The following KIDINS220 variants were observed in gnomAD, a reference collection of about 807,000 sequenced individuals.
KIDINS220 encodes the protein kinase D interacting substrate 220.
Under a neutral mutation model 157.6 loss-of-function variants are expected in KIDINS220, and 63 were observed. The observed-to-expected ratio is 0.40, with a 90% CI of 0.33 to 0.49. The LOEUF is 0.49. Among genes scored for constraint, KIDINS220 ranks in the 20% least tolerant of loss-of-function variants. The pLI, the probability that KIDINS220 is intolerant of heterozygous loss-of-function variation, is 0.66. For missense variants in KIDINS220, 1,772 were observed against 2,171.2 expected, an observed-to-expected ratio of 0.82 and a Z score of 3.65; for synonymous variants, 732 against 783.6, an observed-to-expected ratio of 0.93 and a Z score of 1.10.
chr2:8,833,057 A>G (rs764150740), intron 1 of KIDINS220, among the ~76,000 whole-genome samples: 3 of 152,188 alleles, frequency 2.0e-5, no homozygotes, highest in Non-Finnish European at 2.9e-5. Flanking sequence ...CTCAAATCTT[A>G]TCTTCTAGCT....
chr2:8,820,824 A>T (rs1362493343), intron 2 of KIDINS220, among the ~76,000 whole-genome samples: 2 of 152,202 alleles, frequency 1.3e-5, no homozygotes, highest in Non-Finnish European at 2.9e-5. Context: ...CACTACCAAC[A>T]TCAATTACTA....
chr2:8,831,159 A>G (rs1679557007), intron 1 of KIDINS220, among the ~76,000 whole-genome samples: 1 of 152,254 alleles, frequency 6.6e-6, no homozygotes, highest in Non-Finnish European at 1.5e-5. Flanking sequence ...GCCATTGTAA[A>G]GATGCAAATA....
intron 6 of KIDINS220, among the ~76,000 whole-genome samples, chr2:8,807,712 C>T (rs1484760925): frequency 1.3e-5 from 2 of 152,152 alleles, no homozygotes; most frequent in African/African-American, 4.8e-5. Context: ...CAGACAGAAT[C>T]ACAAGGTTGC....
At chr2:8,795,720 G>A (rs1282645519) in intron 11 of KIDINS220, among the ~76,000 whole-genome samples, 1 of 152,160 alleles carries the variant, frequency 6.6e-6, no homozygotes. Context: ...TTATTAATGA[G>A]TATAAAGCAA....
Position 8,785,743 on chromosome 2 carries a change from T to C in KIDINS220, c.2227A>G (p.Lys743Glu), listed in dbSNP as rs1672309097. 2 of 1,605,068 alleles carry C rather than the reference T, an allele frequency of 1.2e-6. No individual in the cohort carries two copies. The highest frequency in any genetic ancestry group is 2.7e-5 in the African/African-American group (2 of 74,308). Residue 743 changes from lysine to glutamate, a missense_variant and splice_region_variant, in exon 17 of 30, where the codon AAA becomes GAA. Coordinates refer to ENST00000256707, the MANE Select transcript of KIDINS220 (RefSeq NM_020738.4). ...LHKLKSEGFMKVLKCEVELMA... is the reference protein window; with the variant it reads ...LHKLKSEGFMEVLKCEVELMA... ...TCTAATAACCAATGAGTGCTTACTT[T>C]CATGAATCCTTCACTTTTCAATTTG...
At chr2:8,770,924 T>A (rs1670130724) in intron 21 of KIDINS220, 92 bp from the exon 22 acceptor site, 1 of 731,790 alleles carries the variant, frequency 1.4e-6, no homozygotes, top group Non-Finnish European at 2.0e-6. Flanking sequence ...ATTTTAAATT[T>A]CTAAAATTTA....
chr2:8,751,417 A>C (rs1284472866), intron 23 of KIDINS220, 49 bp downstream of exon 23: 1 of 1,480,874 alleles, frequency 6.8e-7, no homozygotes, highest in Admixed American at 2.1e-5. Context: ...GAAACATGAA[A>C]AATTCTTAGA....
intron 20 of KIDINS220, among the ~76,000 whole-genome samples, chr2:8,777,166 A>C (rs1300326513): frequency 2.0e-5 from 3 of 152,220 alleles, no homozygotes; most frequent in Admixed American, 6.5e-5. Flanking sequence ...CAATGCTTTT[A>C]AGATTATAAG....
At chr2:8,814,471 G>A (rs976840470) in intron 4 of KIDINS220, among the ~76,000 whole-genome samples, 8 of 151,000 alleles carry the variant, frequency 5.3e-5, no homozygotes, top group African/African-American at 1.9e-4. Flanking sequence ...ATGAATGGAT[G>A]GATGGATGGA....
At chr2:8,746,502 C>T (rs903580636) in intron 26 of KIDINS220, 3 of 149,170 alleles carry the variant, frequency 2.0e-5, no homozygotes, top group Non-Finnish European at 4.4e-5. Flanking sequence ...AGAAACCTAC[C>T]TTAAGGTGTT....
intron 6 of KIDINS220, among the ~76,000 whole-genome samples, chr2:8,811,243 C>T (rs1676264540): frequency 6.7e-6 from 1 of 149,656 alleles, no homozygotes; most frequent in Non-Finnish European, 1.5e-5. Flanking sequence ...ACTATCCCCA[C>T]AATGTGCCAA....
At chr2:8,760,339 C>T (rs554324284) in intron 22 of KIDINS220, among the ~76,000 whole-genome samples, 1 of 152,270 alleles carries the variant, frequency 6.6e-6, no homozygotes, top group East Asian at 1.9e-4. Context: ...AACCAGTACA[C>T]TACACAACAG....
At chr2:8,772,355 A>G (rs1465484230) in intron 21 of KIDINS220, among the ~76,000 whole-genome samples, 1 of 152,148 alleles carries the variant, frequency 6.6e-6, no homozygotes, top group Non-Finnish European at 1.5e-5. Flanking sequence ...AGGCACCTGC[A>G]GTCCCAGCTA....
intron 6 of KIDINS220, among the ~76,000 whole-genome samples, chr2:8,809,041 G>A (rs1489392286): frequency 2.0e-5 from 3 of 151,902 alleles, no homozygotes; most frequent in Non-Finnish European, 4.4e-5. Flanking sequence ...TTCTTTGAGA[G>A]GGAGTCTCAC....
intron 1 of KIDINS220, among the ~76,000 whole-genome samples, chr2:8,835,839 A>G (rs1341322746): frequency 6.6e-6 from 1 of 152,108 alleles, no homozygotes; most frequent in African/African-American, 2.4e-5. Context: ...CATAAAATGG[A>G]GAAACTGACC....
chr2:8,802,117 G>C (rs144660865), intron 8 of KIDINS220, among the ~76,000 whole-genome samples: 12 of 152,282 alleles, frequency 7.9e-5, no homozygotes, highest in Non-Finnish European at 1.8e-4. Flanking sequence ...TATGAAAACT[G>C]GCAGAAGAGG....
chr2:8,757,931 C>T (rs549881587), intron 22 of KIDINS220: 29 of 688,294 alleles, frequency 4.2e-5, no homozygotes, highest in East Asian at 2.1e-4. Flanking sequence ...GGTGCAATCT[C>T]GGCTCACTGC....
At chr2:8,783,401 G>C (rs1671970889) in intron 17 of KIDINS220, among the ~76,000 whole-genome samples, 1 of 152,084 alleles carries the variant, frequency 6.6e-6, no homozygotes, top group Admixed American at 6.6e-5. Flanking sequence ...CATCTACTAA[G>C]ATCAGGAACG....
At position 8,817,659 on chromosome 2, in the gene KIDINS220, C is replaced by T. The variant is rs564872669; in HGVS notation, c.265G>A (p.Glu89Lys). The part of the protein sequence containing the change: ...SKEGHVHIVE[E>K]LLKCGVNLEH... ...AAGTTAACCCCACATTTCAGTAGTTCCTCTACGATGTGCACATGCCCTTCT... is the reference window on the plus strand; with the variant it reads ...AAGTTAACCCCACATTTCAGTAGTTTCTCTACGATGTGCACATGCCCTTCT... Residue 89 changes from glutamate to lysine, a missense_variant, in exon 4 of 30, where the codon GAA (glutamate) becomes AAA (lysine). Glu to Lys is a moderately conservative substitution (Grantham distance 56, BLOSUM62 1). Around this residue, in one of 3 missense-constraint regions of KIDINS220, gnomAD observed 254 missense variants for 268.6 expected, o/e 0.95. Transcript: ENST00000256707. 2 of 1,607,762 alleles carry T rather than the reference C, an allele frequency of 1.2e-6. No homozygotes were observed. The highest frequency in any genetic ancestry group is 1.1e-5 in the South Asian group (1 of 89,950).
Sources: allele counts gnomAD v4.1 joint callset (sites outside exome capture counted in the v4.1 genomes callset), GRCh38; gene constraint gnomAD v4.1.1; regional missense constraint gnomAD v4.1.1; transcripts MANE v1.5; gene names NCBI Gene and HGNC (gene_info 2026-07-23, HGNC 2026-07-21).